Variants in DPY19L3 observed in about 807,000 individuals in gnomAD.
DPY19L3 encodes protein C-mannosyl-transferase DPY19L3.
A neutral mutation model predicts 92.3 loss-of-function variants in DPY19L3; 51 were observed. The ratio of observed to expected loss-of-function variants is 0.55; its 90% CI spans 0.44 to 0.70. DPY19L3 has a LOEUF of 0.70. DPY19L3 is among the 30% of genes least tolerant of loss of function. The pLI is 0.00. For synonymous variants in DPY19L3, 309 were observed against 315.2 expected (o/e 0.98, Z 0.21); for missense variants, 706 against 855.9 (o/e 0.82, Z 2.18).
intron 3 of DPY19L3, among the ~76,000 whole-genome samples, chr19:32,430,573 T>C (rs970013528): frequency 1.3e-5 from 2 of 152,254 alleles, no homozygotes; most frequent in South Asian, 4.1e-4. Flanking sequence ...ATTAAATAAA[T>C]AATTTCTAAG....
In DPY19L3 at chr19:32,453,235, A is replaced by T. The variant is rs527368198; in HGVS notation, c.946A>T (p.Ile316Phe). ...FNSMILGSLL[I>F]SFNLSVFIAR... ...TTCCATGATTCTTGGATCACTGCTT[A>T]TCAGTTTTAACCTTTCAGTATTCAT... is the stretch of plus-strand genomic sequence containing the variant. The change falls in exon 9 of 19, where the codon ATC becomes TTC. Residue 316 changes from isoleucine (I) to phenylalanine (F), a missense_variant. Coordinates refer to ENST00000392250, the MANE Select transcript of DPY19L3 (RefSeq NM_001172774.2). The T allele has an allele frequency of 6.2e-7, 1 of 1,613,992 alleles. No individual in the cohort carries two copies. Among genetic ancestry groups the T allele is most frequent in the East Asian group, 2.2e-5 (1 of 44,876 alleles).
chr19:32,459,554 A>G (rs774154586), intron 12 of DPY19L3, among the ~76,000 whole-genome samples: 2 of 152,232 alleles, frequency 1.3e-5, no homozygotes, highest in African/African-American at 2.4e-5. Context: ...CTAACCCAAG[A>G]TAAAATTTAG....
At chr19:32,462,730 CA>C (rs1246776999) in intron 12 of DPY19L3, among the ~76,000 whole-genome samples, 1 of 152,114 alleles carries the variant, frequency 6.6e-6, no homozygotes, top group Non-Finnish European at 1.5e-5. Context: ...TAGTGAAATG[CA>C]ACATGCAGTT....
At chr19:32,436,346 C>A (rs1969138280) in intron 4 of DPY19L3, 100 bp from the exon 5 acceptor site, 2 of 885,226 alleles carry the variant, frequency 2.3e-6, no homozygotes, top group Non-Finnish European at 1.6e-6. Flanking sequence ...CAATGCCTAC[C>A]ACAGTCTCTA....
At chr19:32,448,781 A>G (rs1020107292) in intron 8 of DPY19L3, among the ~76,000 whole-genome samples, 2 of 152,182 alleles carry the variant, frequency 1.3e-5, no homozygotes, top group East Asian at 1.9e-4. Flanking sequence ...GGGGTCAACT[A>G]TATTCTTGCT....
chr19:32,423,293 A>T (rs546006353), intron 3 of DPY19L3, among the ~76,000 whole-genome samples: 9 of 151,930 alleles, frequency 5.9e-5, no homozygotes, highest in African/African-American at 2.2e-4. Flanking sequence ...GGCTGGAATG[A>T]AGTGGCGTGA....
intron 15 of DPY19L3, chr19:32,467,689 G>A (rs759965231): frequency 5.1e-6 from 5 of 987,402 alleles, no homozygotes; most frequent in Non-Finnish European, 6.0e-6. Context: ...CGTCAGTGGA[G>A]CATACATACA....
At chr19:32,406,356 C>G (rs1170283842) in intron 1 of DPY19L3, 1 of 152,228 alleles carries the variant, frequency 6.6e-6, no homozygotes, top group Non-Finnish European at 1.5e-5. Context: ...GAGCGCTAGG[C>G]TTTTTTATTT....
At chr19:32,467,699 A>G in intron 15 of DPY19L3, 1 of 987,540 alleles carries the variant, frequency 1.0e-6, no homozygotes, top group Non-Finnish European at 1.2e-6. Context: ...GCATACATAC[A>G]TTGTCATTGG....
At chr19:32,477,205 C>A (rs991846940) in intron 16 of DPY19L3, among the ~76,000 whole-genome samples, 3 of 152,030 alleles carry the variant, frequency 2.0e-5, no homozygotes, top group Non-Finnish European at 2.9e-5. Flanking sequence ...GTAAACCTAG[C>A]AAAACAGTAA....
At chr19:32,464,855 T>C in intron 15 of DPY19L3, 71 bp downstream of exon 15, 1 of 1,129,754 alleles carries the variant, frequency 8.9e-7, no homozygotes, top group East Asian at 2.7e-5. Context: ...CAATATATTT[T>C]GTGTATTATT....
At chr19:32,422,585 A>G (rs958476049) in intron 3 of DPY19L3, among the ~76,000 whole-genome samples, 3 of 151,136 alleles carry the variant, frequency 2.0e-5, no homozygotes, top group Non-Finnish European at 4.4e-5. Context: ...AGCATGCATC[A>G]TTTGTGTCCC....
At chr19:32,431,601 A>G (rs1186536616) in intron 3 of DPY19L3, among the ~76,000 whole-genome samples, 1 of 152,186 alleles carries the variant, frequency 6.6e-6, no homozygotes, top group African/African-American at 2.4e-5. Flanking sequence ...ATTTGCATAT[A>G]TATAATGAGA....
intron 8 of DPY19L3, 25 bp from the exon 9 acceptor site, chr19:32,453,120 C>G: frequency 1.2e-6 from 2 of 1,613,208 alleles, no homozygotes; most frequent in Non-Finnish European, 1.7e-6. Flanking sequence ...AATGTCTGTA[C>G]TCATCTAATC....
At chr19:32,414,415 C>CAAA (rs36063807) in intron 3 of DPY19L3, among the ~76,000 whole-genome samples, 7 of 138,408 alleles carry the variant, frequency 5.1e-5, no homozygotes, top group East Asian at 2.1e-4. Flanking sequence ...ACTCTGTCTC[C>CAAA]AAAAAAAAAA....
intron 8 of DPY19L3, among the ~76,000 whole-genome samples, chr19:32,442,649 C>T (rs1969360728): frequency 6.6e-6 from 1 of 152,134 alleles, no homozygotes; most frequent in Non-Finnish European, 1.5e-5. Context: ...CTGGAGAAGT[C>T]AGAAACCTGG....
intron 8 of DPY19L3, among the ~76,000 whole-genome samples, chr19:32,451,001 G>A (rs1969682276): frequency 6.6e-6 from 1 of 152,174 alleles, no homozygotes; most frequent in Non-Finnish European, 1.5e-5. Flanking sequence ...CTCTTCTAGT[G>A]TGTATTCTTT....
At chr19:32,455,115 C>T in intron 10 of DPY19L3, 75 bp downstream of exon 10, 1 of 1,023,938 alleles carries the variant, frequency 9.8e-7, no homozygotes, top group Non-Finnish European at 1.4e-6. Flanking sequence ...TTGAAACTTT[C>T]TTTTTCTTTT....
chr19:32,410,394 T>A (rs563098137), intron 2 of DPY19L3, among the ~76,000 whole-genome samples: 1 of 152,340 alleles, frequency 6.6e-6, no homozygotes, highest in East Asian at 1.9e-4. Flanking sequence ...CTAGTTTATA[T>A]GTCCTTTAAC....
Sources: gnomAD v4.1 joint callset for allele counts (sites outside exome capture counted in the v4.1 genomes callset) on GRCh38, gnomAD v4.1.1 for gene constraint, MANE v1.5 for transcripts, NCBI Gene and HGNC (gene_info 2026-07-23, HGNC 2026-07-21) for gene names.